SLC25A29: variants seen among roughly 807,000 people sequenced by gnomAD.
SLC25A29 encodes the protein mitochondrial basic amino acids transporter.
A neutral mutation model predicts 10.0 loss-of-function variants in SLC25A29; 13 were observed. The ratio of observed to expected loss-of-function variants is 1.30; its 90% CI spans 0.85 to 2.07. SLC25A29 has a LOEUF of 2.07. Among genes scored for constraint, SLC25A29 ranks in the 30% most tolerant of loss-of-function variants. The probability of loss-of-function intolerance (pLI) is 0.00; values close to 1 mark genes in which losing one functional copy is unlikely to be tolerated. For missense variants in SLC25A29, 475 were observed against 447.6 expected, an observed-to-expected ratio of 1.06 and a Z score of -0.55; for synonymous variants, 244 against 221.1, an observed-to-expected ratio of 1.10 and a Z score of -0.92.
intron 1 of SLC25A29, chr14:100,299,989 G>C: frequency 1.0e-6 from 1 of 985,294 alleles, no homozygotes; most frequent in Non-Finnish European, 1.2e-6. Flanking sequence ...CTTTGGACCT[G>C]GCCAGGTGTG....
At chr14:100,283,154 T>C in the SLC25A29 span, among the ~76,000 whole-genome samples, 1 of 152,212 alleles carries the variant, frequency 6.6e-6, no homozygotes, top group East Asian at 1.9e-4. Context: ...TCGGAAGAAC[T>C]TGACCAAATA....
At chr14:100,290,504 C>T (rs1480958615), downstream of SLC25A29, among the ~76,000 whole-genome samples, 3 of 152,252 alleles carry the variant, frequency 2.0e-5, no homozygotes, top group African/African-American at 7.2e-5. Flanking sequence ...CCCGACTCCC[C>T]CTTGTCAGTG....
chr14:100,290,800 G>C (rs1891648015), downstream of SLC25A29, among the ~76,000 whole-genome samples: 1 of 152,178 alleles, frequency 6.6e-6, no homozygotes, highest in Non-Finnish European at 1.5e-5. Context: ...CTGTTTTTGG[G>C]ACACACCCTG....
chr14:100,306,239 G>T lies in SLC25A29; in HGVS notation c.-7C>A. On this transcript the variant is annotated 5_prime_UTR_variant, in exon 1 of 4. Coordinates refer to ENST00000359232, the MANE Select transcript of SLC25A29 (RefSeq NM_001039355.3). ...CCAAGAAGTCCAGCGCCATGGCCGG[G>T]TCCCCGGCGAGGCCGCCTTTCCTCC... is the stretch of plus-strand genomic sequence containing the variant. 6.7e-7 allele frequency: 1 copy of T among 1,489,198 alleles called. No homozygotes were observed. The highest frequency in any genetic ancestry group is 2.2e-5 in the Admixed American group (1 of 44,574). The allele number at this position is 1,489,198 out of a possible 1,614,324, so 92.2% of individuals were successfully genotyped here.
intron 2 of SLC25A29, chr14:100,295,492 CAGGACCTGTGCT>C: frequency 9.3e-7 from 1 of 1,070,298 alleles, no homozygotes; most frequent in East Asian, 6.0e-5. Context: ...GCCCCCACCC[CAGGACCTGTGCT>C]GAGCCCAAGC....
Position 100,292,719 on chromosome 14 carries a change from A to G in SLC25A29, c.476T>C (p.Leu159Pro). 6.2e-7 allele frequency: 1 copy of G among 1,602,588 alleles called. No homozygotes were observed. Among genetic ancestry groups the G allele is most frequent in the Non-Finnish European group, 8.5e-7 (1 of 1,175,680 alleles). The change falls in exon 4 of 4, where the codon CTG (leucine) becomes CCG (proline). Residue 159 changes from leucine to proline, a missense_variant. Coordinates refer to ENST00000359232, the MANE Select transcript of SLC25A29 (RefSeq NM_001039355.3). ...GACGCCGAAGCTGGGCGTCTCACGC[A>G]GCAACGTGGACACCATGCCCCGGTT... is the stretch of plus-strand genomic sequence containing the variant. ...GVNRGMVSTL[L>P]RETPSFGVYF...
At chr14:100,289,990 C>T (rs944134327), downstream of SLC25A29, among the ~76,000 whole-genome samples, 1 of 152,238 alleles carries the variant, frequency 6.6e-6, no homozygotes, top group Non-Finnish European at 1.5e-5. Flanking sequence ...CCCCCCGCCC[C>T]TTCACCTTGC....
chr14:100,290,364 A>G (rs1010484415), downstream of SLC25A29, among the ~76,000 whole-genome samples: 3 of 152,212 alleles, frequency 2.0e-5, no homozygotes, highest in African/African-American at 7.2e-5. Context: ...TTCAGAGTAA[A>G]GAGAAGCGAG....
chr14:100,305,839 A>C (rs1171509243), intron 1 of SLC25A29: 7 of 237,616 alleles, frequency 2.9e-5, no homozygotes, highest in Non-Finnish European at 2.4e-5. Context: ...CCCTGCTCCC[A>C]GTGCGCAACG....
chr14:100,295,721 T>C, intron 2 of SLC25A29: 1 of 1,289,428 alleles, frequency 7.8e-7, no homozygotes, highest in Non-Finnish European at 1.0e-6. Flanking sequence ...TAAAGGCGGT[T>C]AAAGCAACAC....
At chr14:100,286,583 G>T (rs1891549153), downstream of SLC25A29, among the ~76,000 whole-genome samples, 1 of 152,200 alleles carries the variant, frequency 6.6e-6, no homozygotes, top group Admixed American at 6.5e-5. Flanking sequence ...AGCCCCTGGG[G>T]CACAGGCCCA....
the SLC25A29 span, chr14:100,280,670 A>T: frequency 6.6e-6 from 1 of 151,888 alleles, no homozygotes; most frequent in South Asian, 2.1e-4. Context: ...GCTAAATAAG[A>T]CCCTTTCACA....
chr14:100,287,336 C>G (rs1199748188), downstream of SLC25A29, among the ~76,000 whole-genome samples: 1 of 152,266 alleles, frequency 6.6e-6, no homozygotes, highest in Non-Finnish European at 1.5e-5. Flanking sequence ...AACTCTGCAC[C>G]AAGGACCTGA....
the SLC25A29 span, among the ~76,000 whole-genome samples, chr14:100,286,100 G>A: frequency 2.6e-5 from 4 of 152,128 alleles, no homozygotes; most frequent in Admixed American, 2.0e-4. Flanking sequence ...GCCCCCAAGC[G>A]TGTTCTGGCC....
At position 100,292,789 on chromosome 14, in the gene SLC25A29, C is replaced by A. The variant is rs1169341573; in HGVS notation, c.406G>T (p.Asp136Tyr). The change falls in exon 4 of 4, where the codon GAC becomes TAC. Residue 136 changes from aspartate (D) to tyrosine (Y), a missense_variant. By Grantham distance (160) the Asp-to-Tyr change is radical. Transcript: ENST00000359232. Reference protein sequence around the residue: ...GPARTYKGSLDCLAQIYGHEG... With the variant: ...GPARTYKGSLYCLAQIYGHEG... ...TGCCCGTAGATCTGCGCGAGGCAGTCCAGCGAGCCCTTGTAGGTGCGCGCT... is the reference window on the plus strand; with the variant it reads ...TGCCCGTAGATCTGCGCGAGGCAGTACAGCGAGCCCTTGTAGGTGCGCGCT... 1 of 1,596,372 alleles carries A rather than the reference C, an allele frequency of 6.3e-7. No individual in the cohort carries two copies. The highest frequency in any genetic ancestry group is 1.3e-5 in the African/African-American group (1 of 74,710).
intron 1 of SLC25A29, among the ~76,000 whole-genome samples, chr14:100,300,690 C>T (rs1426347681): frequency 6.6e-6 from 1 of 151,630 alleles, no homozygotes; most frequent in Non-Finnish European, 1.5e-5. Context: ...TAGTTTTGAA[C>T]CTTTTCTTAC....
At chr14:100,295,221 T>TACCCCTCAGTCTGTG (rs1360257192) in intron 2 of SLC25A29, 151 of 187,726 alleles carry the variant, frequency 8.0e-4, no homozygotes, top group Non-Finnish European at 1.4e-3. Flanking sequence ...GACCCCTCAG[T>TACCCCTCAGTCTGTG]ACCCCTCAGT....
rs1891690690 is a variant in SLC25A29 at position 100,291,499 on chromosome 14, C to G, written c.*784G>C. The G allele has an allele frequency of 6.5e-6, 1 of 152,714 alleles. No homozygotes were observed. Among genetic ancestry groups the G allele is most frequent in the South Asian group, 2.1e-4 (1 of 4,836 alleles). The allele number at this position is 152,714 out of a possible 1,614,324, so 9.5% of individuals were successfully genotyped here. A position where few individuals can be genotyped will look rare whatever the true frequency, so the allele number is the denominator to read the frequency against. On this transcript the variant is annotated 3_prime_UTR_variant, in exon 4 of 4. Coordinates refer to ENST00000359232, the MANE Select transcript of SLC25A29 (RefSeq NM_001039355.3). ...GAGACTCAGTTGTCCGTCAGCTGGC[C>G]ATGTCCCCATTTTATGGACAGGCAG...
chr14:100,280,314 T>G, the SLC25A29 span: 3 of 152,242 alleles, frequency 2.0e-5, no homozygotes, highest in Non-Finnish European at 4.4e-5. Context: ...CTGATAGACA[T>G]ATTTTCGTAC....
Sources: allele counts gnomAD v4.1 joint callset (sites outside exome capture counted in the v4.1 genomes callset), GRCh38; gene constraint gnomAD v4.1.1; transcripts MANE v1.5; gene names NCBI Gene and HGNC (gene_info 2026-07-23, HGNC 2026-07-21).